Variants in SLC22A13 observed in about 807,000 individuals in gnomAD.
SLC22A13 encodes organic anion transporter 10.
A neutral mutation model predicts 49.1 loss-of-function variants in SLC22A13; 42 were observed. The ratio of observed to expected loss-of-function variants is 0.85; its 90% confidence interval spans 0.67 to 1.11. SLC22A13 has a LOEUF of 1.11. Among genes scored for constraint, SLC22A13 ranks in the 50% least tolerant of loss-of-function variants. SLC22A13 has a pLI of 0.00. For missense variants in SLC22A13, 694 were observed against 712.8 expected, an observed-to-expected ratio of 0.97 and a Z score of 0.30; for synonymous variants, 282 against 293.1, an observed-to-expected ratio of 0.96 and a Z score of 0.39.
chr3:38,266,501 G>A (rs534988189), intron 1 of SLC22A13, among the ~76,000 whole-genome samples: 1 of 152,094 alleles, frequency 6.6e-6, no homozygotes, highest in East Asian at 1.9e-4. Context: ...GTCTTTCCTT[G>A]TCTCTCTGGC....
At position 38,277,087 on chromosome 3, in the gene SLC22A13, A is replaced by G. The variant is rs1466824658; in HGVS notation, c.1522A>G (p.Lys508Glu). The change falls in exon 9 of 10, where the codon AAA becomes GAA. Residue 508 changes from lysine (K) to glutamate (E), a missense_variant. Coordinates refer to ENST00000311856, the MANE Select transcript of SLC22A13 (RefSeq NM_004256.4). ...LLPETHGQGL[K>E]DTLQDLELGP... Reference sequence around the variant, plus strand: ...GCCAGAGACGCATGGCCAGGGCCTGAAAGACACCCTCCAGGACCTGGAGCT... The same window carrying G: ...GCCAGAGACGCATGGCCAGGGCCTGGAAGACACCCTCCAGGACCTGGAGCT... The G allele has an allele frequency of 6.3e-7, 1 of 1,578,848 alleles. No homozygotes were observed. Among genetic ancestry groups the G allele is most frequent in the South Asian group, 1.2e-5 (1 of 86,704 alleles).
chr3:38,275,202 T>C, intron 4 of SLC22A13, 45 bp downstream of exon 4: 6 of 1,609,280 alleles, frequency 3.7e-6, no homozygotes, highest in Non-Finnish European at 5.1e-6. Context: ...AGGTTAGTTG[T>C]GTTGTGGTGG....
chr3:38,275,172 T>C lies in SLC22A13; in HGVS notation c.806+15T>C. ...TTCTACTTCTGGTGAGGAAAATACA[T>C]GCCAGGAGCAAGCCCCCCCAGGTTA... On this transcript the variant is annotated intron_variant, in intron 4 of 9. Coordinates refer to ENST00000311856, the MANE Select transcript of SLC22A13 (RefSeq NM_004256.4). 1.2e-6 allele frequency: 2 copies of C among 1,613,534 alleles called. No homozygotes were observed. Among genetic ancestry groups the C allele is most frequent in the East Asian group, 2.2e-5 (1 of 44,852 alleles).
chr3:38,277,539 A>C lies in SLC22A13; in HGVS notation c.*74A>C, dbSNP rs1473620088. 2.8e-6 allele frequency: 3 copies of C among 1,086,506 alleles called. No homozygotes were observed. The highest frequency in any genetic ancestry group is 4.1e-6 in the Non-Finnish European group (3 of 724,712). 67.3% of individuals were successfully genotyped at this position (1,086,506 alleles called of 1,614,324 possible). A position where few individuals can be genotyped will look rare whatever the true frequency, so the allele number is the denominator to read the frequency against. On this transcript the variant is annotated 3_prime_UTR_variant, in exon 10 of 10. Coordinates refer to ENST00000311856, the MANE Select transcript of SLC22A13 (RefSeq NM_004256.4). Reference sequence around the variant, plus strand: ...ACCTCCTTGGATATGGCCAGGACCCACAGGGACACAGGGCAAGACCAGCCT... The same window carrying C: ...ACCTCCTTGGATATGGCCAGGACCCCCAGGGACACAGGGCAAGACCAGCCT...
Position 38,278,640 on chromosome 3 carries a change from C to A in SLC22A13, c.*1175C>A, listed in dbSNP as rs1291549103. 1.3e-5 allele frequency among the ~76,000 whole-genome samples: 2 copies of A among 151,766 alleles called. No homozygotes were observed. The highest frequency in any genetic ancestry group is 4.8e-5 in the African/African-American group (2 of 41,268). The stretch of plus-strand genomic sequence containing the variant: ...TTTGAGACCAGCCTGGCTGGCATGG[C>A]AAAACCCTGTCTCTACTAAAAATAC... On this transcript the variant is annotated 3_prime_UTR_variant, in exon 10 of 10. Coordinates refer to ENST00000311856, the MANE Select transcript of SLC22A13 (RefSeq NM_004256.4).
In SLC22A13 at chr3:38,275,877, TG is replaced by T. The variant is rs745579812; in HGVS notation, c.1023-4del. 5 of 1,613,014 alleles carry T rather than the reference TG, an allele frequency of 3.1e-6. No individual in the cohort carries two copies. The Admixed American group carries it at 8.3e-5, about 27-fold the overall frequency. ...CAGTGACAGGAACCCTTCATTACCT[TG>T]TAGGTTTGTGGACAGTCTGGGGTAC... On this transcript the variant is annotated splice_polypyrimidine_tract_variant and splice_region_variant and intron_variant, in intron 6 of 9. Coordinates refer to ENST00000311856, the MANE Select transcript of SLC22A13 (RefSeq NM_004256.4).
Position 38,277,676 on chromosome 3 carries a change from T to C in SLC22A13, c.*211T>C. ...ACAGGACCTCCCGGCCTCCTTCACCTTTCTCATCTCCAGAGCCCTGCCCCC... is the reference window on the plus strand; with the variant it reads ...ACAGGACCTCCCGGCCTCCTTCACCCTTCTCATCTCCAGAGCCCTGCCCCC... On this transcript the variant is annotated 3_prime_UTR_variant, in exon 10 of 10. Coordinates refer to ENST00000311856, the MANE Select transcript of SLC22A13 (RefSeq NM_004256.4). 2.0e-6 allele frequency: 1 copy of C among 496,628 alleles called. No individual in the cohort carries two copies. The allele number at this position is 496,628 out of a possible 1,614,324, so 30.8% of individuals were successfully genotyped here.
intron 1 of SLC22A13, among the ~76,000 whole-genome samples, chr3:38,271,145 C>CT: frequency 6.6e-6 from 1 of 152,212 alleles, no homozygotes; most frequent in Non-Finnish European, 1.5e-5. Flanking sequence ...CATATTTAAA[C>CT]TTAAATGCAA....
chr3:38,273,679 A>C (rs1342397776), intron 1 of SLC22A13, among the ~76,000 whole-genome samples: 3 of 152,246 alleles, frequency 2.0e-5, no homozygotes, highest in African/African-American at 4.8e-5. Flanking sequence ...TGGCATCTCC[A>C]GGCCAAAAGA....
chr3:38,276,396 G>A lies in SLC22A13; in HGVS notation c.1346+1G>A, dbSNP rs1166595960. ...CCGAGCTTTTCCCCACCATCCTCCG[G>A]TAAGAGCTGCAGTGTGACTCCTGCT... On this transcript the variant is annotated splice_donor_variant, in intron 8 of 9. Coordinates refer to ENST00000311856, the MANE Select transcript of SLC22A13 (RefSeq NM_004256.4). LOFTEE classifies it high-confidence loss of function. 4.4e-6 allele frequency: 7 copies of A among 1,601,552 alleles called. No homozygotes were observed. The highest frequency in any genetic ancestry group is 2.2e-5 in the East Asian group (1 of 44,774).
intron 1 of SLC22A13, among the ~76,000 whole-genome samples, chr3:38,272,507 G>C (rs1703532971): frequency 6.6e-6 from 1 of 152,232 alleles, no homozygotes; most frequent in Admixed American, 6.5e-5. Context: ...ACTCAATTCT[G>C]ACTCCTGAGC....
intron 1 of SLC22A13, among the ~76,000 whole-genome samples, chr3:38,269,649 C>T (rs1703499284): frequency 6.6e-6 from 1 of 152,156 alleles, no homozygotes; most frequent in African/African-American, 2.4e-5. Context: ...ATGTTCACAG[C>T]AGCACATGCC....
At chr3:38,273,026 A>C (rs1260123267) in intron 1 of SLC22A13, among the ~76,000 whole-genome samples, 3 of 152,144 alleles carry the variant, frequency 2.0e-5, no homozygotes, top group African/African-American at 7.2e-5. Flanking sequence ...ATTCTGTGAG[A>C]TCATGCATGT....
rs769014812 is a variant in SLC22A13 at position 38,275,622 on chromosome 3, G to C, written c.972G>C (p.Leu324=). The change falls in exon 6 of 10, where the codon CTG becomes CTC. Residue 324 remains leucine, a synonymous_variant. Transcript: ENST00000311856. ...KTGPSGNALD[L]FRHPQLRKVT... ...GCCCCTCAGGGAATGCCCTGGATCT[G>C]TTCAGACACCCCCAGCTCCGGAAGG... 1 of 1,614,194 alleles carries C rather than the reference G, an allele frequency of 6.2e-7. No individual in the cohort carries two copies. Among genetic ancestry groups the C allele is most frequent in the Non-Finnish European group, 8.5e-7 (1 of 1,180,040 alleles).
intron 4 of SLC22A13, 97 bp from the exon 5 acceptor site, chr3:38,275,273 T>G: frequency 3.8e-6 from 6 of 1,592,372 alleles, no homozygotes; most frequent in Non-Finnish European, 5.2e-6. Context: ...AGAGGGAGCC[T>G]GTCACAGCTG....
At chr3:38,266,486 T>C (rs555696471) in intron 1 of SLC22A13, among the ~76,000 whole-genome samples, 1 of 152,344 alleles carries the variant, frequency 6.6e-6, no homozygotes, top group African/African-American at 2.4e-5. Flanking sequence ...CCTTCTGTCG[T>C]CTCTGTCTTT....
At position 38,277,001 on chromosome 3, in the gene SLC22A13, C is replaced by T. The variant is rs753283590; in HGVS notation, c.1436C>T (p.Ala479Val). The part of the protein sequence containing the change: ...LVILLGEYHA[A>V]LPMLIYGSLP... ...ATCCTGCTGGGAGAGTACCACGCTG[C>T]CCTCCCCATGCTCATCTACGGCAGC... The change falls in exon 9 of 10, where the codon GCC becomes GTC. Residue 479 changes from alanine to valine, a missense_variant. Physicochemically the swap from Ala to Val is moderately conservative, Grantham distance 64. Transcript: ENST00000311856. 3.1e-6 allele frequency: 5 copies of T among 1,611,776 alleles called. No homozygotes were observed. The highest frequency in any genetic ancestry group is 4.2e-6 in the Non-Finnish European group (5 of 1,179,134).
At chr3:38,272,073 C>T (rs1703528757) in intron 1 of SLC22A13, among the ~76,000 whole-genome samples, 1 of 152,218 alleles carries the variant, frequency 6.6e-6, no homozygotes, top group Admixed American at 6.5e-5. Flanking sequence ...GGCGCCTCTC[C>T]AAGCCTCAGT....
intron 1 of SLC22A13, among the ~76,000 whole-genome samples, chr3:38,267,668 G>A (rs1703477611): frequency 6.6e-6 from 1 of 152,192 alleles, no homozygotes; most frequent in Admixed American, 6.5e-5. Flanking sequence ...GAGGGGAAAG[G>A]TACTTTGTTC....
Sources: allele counts gnomAD v4.1 joint callset (sites outside exome capture counted in the v4.1 genomes callset), GRCh38; gene constraint gnomAD v4.1.1; transcripts MANE v1.5; gene names NCBI Gene and HGNC (gene_info 2026-07-23, HGNC 2026-07-21).